NEK10: variants seen among roughly 807,000 people sequenced by gnomAD.
The protein encoded by NEK10 is serine/threonine-protein kinase Nek10.
In NEK10, 122 loss-of-function variants were observed where a neutral mutation model predicts 159.8. The ratio of observed to expected loss-of-function variants is 0.76; its 90% CI spans 0.66 to 0.89. The LOEUF (loss-of-function observed/expected upper bound fraction) is 0.89. Ranked by LOEUF, NEK10 falls within the 40% of genes least tolerant of loss-of-function variation. The probability of loss-of-function intolerance (pLI) is 0.00; values close to 1 mark genes in which losing one functional copy is unlikely to be tolerated. For synonymous variants in NEK10, 466 were observed against 457.1 expected, an observed-to-expected ratio of 1.02 and a Z score of -0.25; for missense variants, 1,342 against 1,323.1, an observed-to-expected ratio of 1.01 and a Z score of -0.22.
chr3:27,255,523 T>G (rs1442217112), intron 23 of NEK10, among the ~76,000 whole-genome samples: 3 of 152,120 alleles, frequency 2.0e-5, no homozygotes, highest in Admixed American at 6.5e-5. Context: ...TAAAAGTGTC[T>G]TGATTGCTTG....
chr3:27,356,446 G>A (rs898126332), intron 1 of NEK10, among the ~76,000 whole-genome samples: 1 of 152,140 alleles, frequency 6.6e-6, no homozygotes, highest in Non-Finnish European at 1.5e-5. Flanking sequence ...GGAGGTTGAG[G>A]CTGCAGTGAG....
intron 25 of NEK10, among the ~76,000 whole-genome samples, chr3:27,193,172 T>G (rs150139946): frequency 2.6e-5 from 4 of 152,276 alleles, no homozygotes; most frequent in African/African-American, 9.6e-5. Context: ...TTCCTACATT[T>G]AACAAACACC....
intron 12 of NEK10, among the ~76,000 whole-genome samples, chr3:27,304,336 A>G (rs2044068698): frequency 6.6e-6 from 1 of 152,242 alleles, no homozygotes; most frequent in African/African-American, 2.4e-5. Context: ...ATGTGCACAC[A>G]CAAACATTTT....
chr3:27,155,853 A>T (rs13079261), intron 30 of NEK10, among the ~76,000 whole-genome samples: 1 of 152,158 alleles, frequency 6.6e-6, no homozygotes, highest in African/African-American at 2.4e-5. Flanking sequence ...AGCAAAAAGA[A>T]CAAATCTGGA....
chr3:27,322,147 A>C lies in NEK10; in HGVS notation c.447+30T>G. The C allele has an allele frequency of 6.7e-6, 6 of 891,362 alleles. 1 individual carries two copies. Among genetic ancestry groups the C allele is most frequent in the Non-Finnish European group, 9.2e-6 (6 of 653,548 alleles). The allele number at this position is 891,362 out of a possible 1,614,324, so 55.2% of individuals were successfully genotyped here. On this transcript the variant is annotated intron_variant, in intron 6 of 35. Transcript: ENST00000691995. ...CTTTTATTACAACTTTATAACAAGT[A>C]AAAAAAAAAATTGTATTTTTCCAAC...
chr3:27,259,844 C>T (rs2040239201), intron 22 of NEK10, among the ~76,000 whole-genome samples: 1 of 152,170 alleles, frequency 6.6e-6, no homozygotes, highest in African/African-American at 2.4e-5. Flanking sequence ...ATTCTTCCTA[C>T]CCATGAGCAT....
chr3:27,160,976 G>T (rs1325905322), intron 30 of NEK10, among the ~76,000 whole-genome samples: 1 of 152,116 alleles, frequency 6.6e-6, no homozygotes, highest in African/African-American at 2.4e-5. Flanking sequence ...AGATTTTAAA[G>T]AATTAGATGA....
At chr3:27,188,511 GAACA>G (rs1948825265) in intron 26 of NEK10, among the ~76,000 whole-genome samples, 1 of 152,238 alleles carries the variant, frequency 6.6e-6, no homozygotes, top group African/African-American at 2.4e-5. Context: ...TCTCCAAACT[GAACA>G]AACTTATTAA....
intron 13 of NEK10, 30 bp downstream of exon 13, chr3:27,301,666 A>G: frequency 7.0e-7 from 1 of 1,430,768 alleles, no homozygotes; most frequent in Non-Finnish European, 9.7e-7. Context: ...ACAATAAATT[A>G]TAGCATATCA....
intron 12 of NEK10, among the ~76,000 whole-genome samples, 187 bp downstream of exon 12, chr3:27,304,560 T>A (rs2044087209): frequency 1.3e-5 from 2 of 152,168 alleles, no homozygotes; most frequent in African/African-American, 4.8e-5. Context: ...ATTTAAAAGA[T>A]GAATGCCCCT....
intron 22 of NEK10, among the ~76,000 whole-genome samples, chr3:27,261,341 C>T (rs1441354851): frequency 6.6e-6 from 1 of 152,190 alleles, no homozygotes; most frequent in East Asian, 1.9e-4. Flanking sequence ...ATCTTTCCTG[C>T]TTTCTCTTGT....
At chr3:27,171,688 G>A (rs1446036421) in intron 29 of NEK10, 131 bp downstream of exon 29, 6 of 821,336 alleles carry the variant, frequency 7.3e-6, no homozygotes, top group African/African-American at 6.9e-5. Flanking sequence ...AAACAGTTCT[G>A]GGCAAGTAAG....
At chr3:27,151,360 T>A (rs1340549183) in intron 30 of NEK10, among the ~76,000 whole-genome samples, 1 of 152,126 alleles carries the variant, frequency 6.6e-6, no homozygotes, top group African/African-American at 2.4e-5. Context: ...AGTACCATCC[T>A]GGAGCTGGGT....
At chr3:27,164,703 A>C (rs1055414114) in intron 29 of NEK10, among the ~76,000 whole-genome samples, 4 of 152,184 alleles carry the variant, frequency 2.6e-5, no homozygotes, top group Admixed American at 6.6e-5. Context: ...CATTGTCTTC[A>C]TACATTTATT....
rs140897460 is a variant in NEK10 at position 27,174,443 on chromosome 3, T to A, written c.2772A>T (p.Thr924=). 1 of 1,609,394 alleles carries A rather than the reference T, an allele frequency of 6.2e-7. No individual in the cohort carries two copies. The highest frequency in any genetic ancestry group is 8.5e-7 in the Non-Finnish European group (1 of 1,179,310). ...SSSSSPLKES[T]FNILKRSFSA... is the part of the protein sequence containing the mutation. ...AATTGATAACAGAAAGCTTACTGAA[T>A]GTAGATTCTTTCAGAGGGCTTGAAC... Residue 924 remains threonine, a synonymous_variant, in exon 28 of 36, where the codon ACA becomes ACT. Coordinates refer to ENST00000691995, the MANE Select transcript of NEK10 (RefSeq NM_001394966.1).
At chr3:27,303,536 T>G (rs2043997288) in intron 12 of NEK10, among the ~76,000 whole-genome samples, 1 of 152,228 alleles carries the variant, frequency 6.6e-6, no homozygotes, top group Non-Finnish European at 1.5e-5. Flanking sequence ...GCTTATTATG[T>G]CACAGCACTA....
At chr3:27,224,739 G>A (rs149476428) in intron 23 of NEK10, among the ~76,000 whole-genome samples, 9 of 152,120 alleles carry the variant, frequency 5.9e-5, no homozygotes, top group African/African-American at 1.7e-4. Flanking sequence ...TGTAAGCTCC[G>A]TTTTCTATGG....
intron 23 of NEK10, among the ~76,000 whole-genome samples, chr3:27,209,775 A>G (rs1950843070): frequency 6.6e-6 from 1 of 152,190 alleles, no homozygotes; most frequent in African/African-American, 2.4e-5. Context: ...ATGCATGTGA[A>G]CAAAACCAGA....
At chr3:27,300,079 G>A (rs1265866113) in intron 13 of NEK10, among the ~76,000 whole-genome samples, 1 of 152,058 alleles carries the variant, frequency 6.6e-6, no homozygotes, top group African/African-American at 2.4e-5. Context: ...ATTTGGGAGG[G>A]GCCGGGAGCA....
Sources: gnomAD v4.1 joint callset for allele counts (sites outside exome capture counted in the v4.1 genomes callset) on GRCh38, gnomAD v4.1.1 for gene constraint, MANE v1.5 for transcripts, NCBI Gene and HGNC (gene_info 2026-07-23, HGNC 2026-07-21) for gene names.